XPNPEP3: variants seen among roughly 807,000 people sequenced by gnomAD.
XPNPEP3 encodes the protein X-prolyl aminopeptidase 3, also known as xaa-Pro aminopeptidase 3.
Under a neutral mutation model 60.0 loss-of-function variants are expected in XPNPEP3, and 41 were observed. The observed-to-expected ratio is 0.68, with a 90% CI of 0.53 to 0.89. The LOEUF (loss-of-function observed/expected upper bound fraction) is 0.89, where lower values mean the gene tolerates loss of function less well. XPNPEP3 is among the 40% of genes least tolerant of loss of function. The pLI, the probability that XPNPEP3 is intolerant of heterozygous loss-of-function variation, is 0.00. For missense variants in XPNPEP3, 598 were observed against 638.9 expected (o/e 0.94, Z 0.69); for synonymous variants, 212 against 223.2 (o/e 0.95, Z 0.45).
At position 40,862,654 on chromosome 22, in the gene XPNPEP3, A is replaced by G. The variant is rs1163637303; in HGVS notation, c.64+5409A>G. 4.1e-6 allele frequency: 4 copies of G among 985,334 alleles called. No homozygotes were observed. In the African/African-American group the frequency reaches 5.2e-5, roughly 13 times the overall value. 61.0% of individuals were successfully genotyped at this position (985,334 alleles called of 1,614,324 possible). On this transcript the variant is annotated intron_variant, in intron 1 of 9. Transcript: ENST00000357137. The stretch of plus-strand genomic sequence containing the variant: ...AAAGCCTCTTGGAGGAAGTAGCCTG[A>G]TATGTTAACTTTCTGCATGCCAGTG...
At chr22:40,909,360 G>T in intron 6 of XPNPEP3, 125 bp downstream of exon 6, 1 of 797,934 alleles carries the variant, frequency 1.3e-6, no homozygotes, top group Admixed American at 2.0e-5. Context: ...GTATTTTATT[G>T]CTTATAAAAT....
At chr22:40,861,483 A>G (rs150104806) in intron 1 of XPNPEP3, 1 of 1,614,168 alleles carries the variant, frequency 6.2e-7, no homozygotes, top group East Asian at 2.2e-5. Context: ...CAGGGAAGAG[A>G]AAGAAGTAAG....
intron 4 of XPNPEP3, chr22:40,907,027 A>G (rs1394554426): frequency 8.8e-6 from 4 of 456,120 alleles, no homozygotes; most frequent in Non-Finnish European, 1.8e-5. Context: ...TCACTACCCA[A>G]AAGGCCTCAC....
At chr22:40,903,405 A>G (rs2058142317) in intron 4 of XPNPEP3, among the ~76,000 whole-genome samples, 1 of 151,850 alleles carries the variant, frequency 6.6e-6, no homozygotes, top group South Asian at 2.1e-4. Context: ...TACAGTGTTC[A>G]CTGCTAGCCC....
rs147328963 is a variant in XPNPEP3, at chr22:40,889,008, G to GT, written c.792+2503dup. Among the ~76,000 whole-genome samples, 79 of 148,284 alleles carry GT rather than the reference G, an allele frequency of 5.3e-4. 2 individuals are homozygous for GT. The highest frequency in any genetic ancestry group is 2.4e-3 in the South Asian group (11 of 4,630). On this transcript the variant is annotated intron_variant, in intron 4 of 9. Transcript: ENST00000357137. ...TTATGTGCTTCCTGCCTTCCTAATG[G>GT]TTTTTTTTTTGTTTTGTTTTGTTTT...
intron 6 of XPNPEP3, 78 bp from the exon 7 acceptor site, chr22:40,914,157 AAAAG>A (rs751662802): frequency 1.4e-5 from 18 of 1,270,284 alleles, no homozygotes; most frequent in Middle Eastern, 2.0e-4. Flanking sequence ...AAAAAAAAAA[AAAAG>A]AAAGGCATAC....
chr22:40,864,989 C>A lies in XPNPEP3; in HGVS notation c.65-4010C>A, dbSNP rs186982341. ...TAGGAAATTCTGCTCTTAAGAAATTCATATAGTTTGAAAAAACTAATTTCA... is the reference window on the plus strand; with the variant it reads ...TAGGAAATTCTGCTCTTAAGAAATTAATATAGTTTGAAAAAACTAATTTCA... On this transcript the variant is annotated intron_variant, in intron 1 of 9. Transcript: ENST00000357137. Among the ~76,000 whole-genome samples the A allele has an allele frequency of 1.8e-3, 280 of 152,306 alleles. 1 individual carries two copies. The highest frequency in any genetic ancestry group is 2.9e-3 in the Non-Finnish European group (197 of 68,024).
chr22:40,888,006 T>C (rs530259875), intron 4 of XPNPEP3, among the ~76,000 whole-genome samples: 40 of 152,316 alleles, frequency 2.6e-4, no homozygotes, highest in African/African-American at 9.4e-4. Flanking sequence ...ATCAATGACA[T>C]TAAGTACATT....
At chr22:40,893,505 CAAAAAAAAAAAA>C (rs764114832) in intron 4 of XPNPEP3, among the ~76,000 whole-genome samples, 34 of 40,254 alleles carry the variant, frequency 8.4e-4, no homozygotes, top group African/African-American at 2.6e-3. Flanking sequence ...AACTCTATCT[CAAAAAAAAAAAA>C]AAAAAAAAAA....
intron 1 of XPNPEP3, chr22:40,861,535 CAT>C (rs747281267): frequency 1.3e-5 from 21 of 1,613,516 alleles, no homozygotes; most frequent in African/African-American, 2.7e-5. Flanking sequence ...TATCCTGTAT[CAT>C]ATGAAGAAAA....
intron 6 of XPNPEP3, among the ~76,000 whole-genome samples, chr22:40,909,910 C>G (rs1385182037): frequency 6.6e-6 from 1 of 152,082 alleles, no homozygotes; most frequent in South Asian, 2.1e-4. Context: ...TGAGGACTTG[C>G]GGCAACAACA....
chr22:40,892,557 C>T (rs1187829381), intron 4 of XPNPEP3, among the ~76,000 whole-genome samples: 1 of 152,170 alleles, frequency 6.6e-6, no homozygotes, highest in Non-Finnish European at 1.5e-5. Flanking sequence ...CCTAGCCTGG[C>T]TCCTAATTCC....
intron 4 of XPNPEP3, among the ~76,000 whole-genome samples, chr22:40,889,454 A>G (rs916503785): frequency 6.6e-6 from 1 of 152,244 alleles, no homozygotes; most frequent in African/African-American, 2.4e-5. Flanking sequence ...CATAACCAAC[A>G]TTAACTCTAT....
intron 1 of XPNPEP3, chr22:40,862,330 C>T (rs1287857200): frequency 1.1e-5 from 11 of 1,030,084 alleles, no homozygotes; most frequent in Non-Finnish European, 1.3e-5. Context: ...TCAGGCAGTG[C>T]CTCATAAGCC....
chr22:40,877,067 T>C (rs1297875782), intron 2 of XPNPEP3, among the ~76,000 whole-genome samples: 1 of 152,234 alleles, frequency 6.6e-6, no homozygotes, highest in Non-Finnish European at 1.5e-5. Context: ...TCTGTCATCA[T>C]AGACTGTTTT....
At chr22:40,919,073 G>A (rs1312253278) in intron 7 of XPNPEP3, among the ~76,000 whole-genome samples, 1 of 151,518 alleles carries the variant, frequency 6.6e-6, no homozygotes, top group Non-Finnish European at 1.5e-5. Context: ...TGATTTGTTT[G>A]GCTTTTTATA....
intron 7 of XPNPEP3, among the ~76,000 whole-genome samples, chr22:40,920,493 A>C (rs1176504791): frequency 6.6e-6 from 1 of 152,184 alleles, no homozygotes; most frequent in Non-Finnish European, 1.5e-5. Flanking sequence ...GGTTTATATT[A>C]TAGTCTTGAG....
chr22:40,857,639 C>T (rs148775565), intron 1 of XPNPEP3, among the ~76,000 whole-genome samples: 3 of 152,358 alleles, frequency 2.0e-5, no homozygotes, highest in Non-Finnish European at 2.9e-5. Flanking sequence ...GTAACAAATT[C>T]TTTCAGCAGC....
chr22:40,879,993 C>T (rs770317164), intron 2 of XPNPEP3, among the ~76,000 whole-genome samples: 13 of 147,176 alleles, frequency 8.8e-5, no homozygotes, highest in Admixed American at 2.0e-4. Context: ...TGCCACTGCT[C>T]TCCAGCCTGG....
Sources: allele counts gnomAD v4.1 joint callset (sites outside exome capture counted in the v4.1 genomes callset), GRCh38; gene constraint gnomAD v4.1.1; transcripts MANE v1.5; gene names NCBI Gene and HGNC (gene_info 2026-07-23, HGNC 2026-07-21).